CYP26B1: variants seen among roughly 807,000 people sequenced by gnomAD.
CYP26B1 encodes cytochrome P450 family 26 subfamily B member 1, also known as cytochrome P450 26B1.
In CYP26B1, 8 loss-of-function variants were observed where a neutral mutation model predicts 39.1. The observed-to-expected ratio is 0.20, with a 90% CI of 0.12 to 0.37. The LOEUF is 0.37. CYP26B1 is among the 10% of genes least tolerant of loss of function. The pLI is 1.00. For synonymous variants in CYP26B1, 321 were observed against 314.3 expected (o/e 1.02, Z -0.23); for missense variants, 615 against 707.0 (o/e 0.87, Z 1.48).
In CYP26B1 at chr2:72,132,569, G is replaced by A. The variant is rs750312217; in HGVS notation, c.1197C>T (p.Thr399=). 1.7e-5 allele frequency: 27 copies of A among 1,611,490 alleles called. No individual in the cohort carries two copies. Among genetic ancestry groups the A allele is most frequent in the Non-Finnish European group, 2.3e-5 (27 of 1,178,558 alleles). ...CTTTGAACACGGGCGCTGTGTCATG[G>A]GTGTCCCGGATGCTATACATGACAC... ...GWSVMYSIRD[T]HDTAPVFKDV... The change falls in exon 6 of 6, where the codon ACC becomes ACT. Residue 399 remains threonine, a synonymous_variant. Transcript: ENST00000001146.
chr2:72,137,524 G>A (rs879470777), intron 2 of CYP26B1, among the ~76,000 whole-genome samples: 3 of 17,298 alleles, frequency 1.7e-4, no homozygotes, highest in Admixed American at 1.8e-3. Flanking sequence ...CACACCCCAC[G>A]TGGGCCATAG....
intron 4 of CYP26B1, among the ~76,000 whole-genome samples, chr2:72,133,650 G>C (rs1676667018): frequency 6.6e-6 from 1 of 152,364 alleles, no homozygotes; most frequent in African/African-American, 2.4e-5. Flanking sequence ...AGGAGAAAAA[G>C]AACAAATCCC....
intron 2 of CYP26B1, among the ~76,000 whole-genome samples, chr2:72,135,952 C>T (rs1333383446): frequency 1.3e-5 from 2 of 152,130 alleles, no homozygotes; most frequent in Admixed American, 6.5e-5. Context: ...AATGGCTTTC[C>T]ACCCCTAAAG....
rs574895187 is a variant in CYP26B1 at position 72,146,546 on chromosome 2, C to T, written c.204+1085G>A. ...CAGGGTGAGTGCGTGTGTGCGCGAG[C>T]GCGCGGATTGCACGCGTCTGTTAAT... On this transcript the variant is annotated intron_variant, in intron 1 of 5. Coordinates refer to ENST00000001146, the MANE Select transcript of CYP26B1 (RefSeq NM_019885.4). Among the ~76,000 whole-genome samples, 7 of 152,352 alleles carry T rather than the reference C, an allele frequency of 4.6e-5. No homozygotes were observed. The East Asian group carries it at 9.7e-4, about 21-fold the overall frequency.
intron 4 of CYP26B1, 79 bp from the exon 5 acceptor site, chr2:72,133,386 G>C: frequency 6.6e-7 from 1 of 1,517,656 alleles, no homozygotes; most frequent in Admixed American, 1.9e-5. Flanking sequence ...TCAGTGGCCC[G>C]TGTGCCCAGG....
chr2:72,139,310 G>A (rs1676871224), intron 2 of CYP26B1, among the ~76,000 whole-genome samples: 1 of 152,194 alleles, frequency 6.6e-6, no homozygotes. Context: ...TGACGCCAAG[G>A]TGTGTACTTT....
chr2:72,146,119 C>T (rs1677116098), intron 1 of CYP26B1, among the ~76,000 whole-genome samples: 1 of 152,106 alleles, frequency 6.6e-6, no homozygotes, highest in Non-Finnish European at 1.5e-5. Flanking sequence ...CGCTGACCCC[C>T]AGGGGCTCTT....
At chr2:72,143,874 G>A in intron 2 of CYP26B1, 115 bp downstream of exon 2, 1 of 1,281,754 alleles carries the variant, frequency 7.8e-7, no homozygotes, top group Non-Finnish European at 1.1e-6. Flanking sequence ...GAGTCTTCAA[G>A]CATGGTGTGC....
At chr2:72,143,246 C>T (rs1676999894) in intron 2 of CYP26B1, among the ~76,000 whole-genome samples, 1 of 152,236 alleles carries the variant, frequency 6.6e-6, no homozygotes, top group East Asian at 1.9e-4. Context: ...ACAGCACGTG[C>T]CGCCAGCGCT....
intron 5 of CYP26B1, 96 bp from the exon 6 acceptor site, chr2:72,132,715 C>T (rs1054767063): frequency 6.0e-6 from 9 of 1,505,324 alleles, no homozygotes; most frequent in Middle Eastern, 1.8e-4. Context: ...CCCAGATGTT[C>T]AAGACCTGCC....
At position 72,133,189 on chromosome 2, in the gene CYP26B1, C is replaced by T. The variant is rs200922951; in HGVS notation, c.980G>A (p.Arg327Gln). Residue 327 changes from arginine to glutamine, a missense_variant, in exon 5 of 6, where the codon CGG becomes CAG. Arg to Gln is a conservative substitution (Grantham distance 43, BLOSUM62 1). Coordinates refer to ENST00000001146, the MANE Select transcript of CYP26B1 (RefSeq NM_019885.4). ...TVLEKLRDEL[R>Q]AHGILHSGGC... ...GCCACTGTGCAGGATGCCATGAGCC[C>T]GCAGCTCATCCCGCAGCTTCTCCAG... is the stretch of plus-strand genomic sequence containing the variant. The T allele has an allele frequency of 1.2e-5, 19 of 1,612,194 alleles. No individual in the cohort carries two copies. Among genetic ancestry groups the T allele is most frequent in the Admixed American group, 5.0e-5 (3 of 59,978 alleles).
At chr2:72,134,942 T>C in intron 3 of CYP26B1, 26 bp from the exon 4 acceptor site, 5 of 1,612,346 alleles carry the variant, frequency 3.1e-6, no homozygotes, top group Non-Finnish European at 4.2e-6. Context: ...CTGTCACTCA[T>C]ATGGAAGGGC....
At chr2:72,143,936 T>C (rs1377851523) in intron 2 of CYP26B1, 53 bp downstream of exon 2, 2 of 1,597,300 alleles carry the variant, frequency 1.3e-6, no homozygotes, top group East Asian at 2.2e-5. Flanking sequence ...CAGGAACTCC[T>C]TGCCCCGAGG....
chr2:72,138,724 T>C (rs995977542), intron 2 of CYP26B1, among the ~76,000 whole-genome samples: 11 of 152,094 alleles, frequency 7.2e-5, no homozygotes, highest in African/African-American at 2.4e-4. Context: ...GTTTACCTGC[T>C]GCAGCCCCAG....
chr2:72,144,597 G>C (rs1333335654), intron 1 of CYP26B1: 32 of 718,616 alleles, frequency 4.5e-5, no homozygotes, highest in Admixed American at 3.3e-4. Flanking sequence ...TCCGGGCCAC[G>C]GGCTGGCGAG....
intron 4 of CYP26B1, among the ~76,000 whole-genome samples, chr2:72,133,687 G>A (rs1218606121): frequency 2.0e-5 from 3 of 152,256 alleles, no homozygotes; most frequent in Non-Finnish European, 4.4e-5. Flanking sequence ...CGCAGCAGGT[G>A]TGCGTGTGTA....
intron 2 of CYP26B1, 74 bp downstream of exon 2, chr2:72,143,915 T>C: frequency 6.5e-7 from 1 of 1,550,298 alleles, no homozygotes. Flanking sequence ...TAGGGGACAT[T>C]CCCCGGGCTC....
At position 72,144,231 on chromosome 2, in the gene CYP26B1, G is replaced by C. The variant is rs772519730; in HGVS notation, c.205-18C>G. 6.3e-7 allele frequency: 1 copy of C among 1,576,384 alleles called. No homozygotes were observed. The highest frequency in any genetic ancestry group is 1.3e-5 in the African/African-American group (1 of 74,594). On this transcript the variant is annotated intron_variant, in intron 1 of 5. Transcript: ENST00000001146. ...CCAGAACCCTGCGGGAGCCACACCC[G>C]GGTCTCTCTCAGGGTGCACTTCTGC...
chr2:72,144,840 G>A (rs185181480), intron 1 of CYP26B1, among the ~76,000 whole-genome samples: 4 of 152,178 alleles, frequency 2.6e-5, no homozygotes, highest in Non-Finnish European at 5.9e-5. Flanking sequence ...TGCCGCCCTG[G>A]AGTTTGGAAC....
Sources: allele counts gnomAD v4.1 joint callset (sites outside exome capture counted in the v4.1 genomes callset), GRCh38; gene constraint gnomAD v4.1.1; transcripts MANE v1.5; gene names NCBI Gene and HGNC (gene_info 2026-07-23, HGNC 2026-07-21).